Variants in SGCD observed in about 807,000 individuals in gnomAD.
SGCD encodes the protein sarcoglycan delta, also known as delta-sarcoglycan.
Under a neutral mutation model 36.6 loss-of-function variants are expected in SGCD, and 18 were observed. The observed-to-expected ratio is 0.49, with a 90% confidence interval of 0.34 to 0.73. SGCD has a LOEUF of 0.73. SGCD is among the 30% of genes least tolerant of loss of function. SGCD has a pLI of 0.01. For synonymous variants in SGCD, 133 were observed against 130.6 expected, an observed-to-expected ratio of 1.02 and a Z score of -0.12; for missense variants, 387 against 346.7, an observed-to-expected ratio of 1.12 and a Z score of -0.92.
intron 3 of SGCD, among the ~76,000 whole-genome samples, chr5:156,202,315 T>G (rs1764170930): frequency 6.6e-6 from 1 of 152,180 alleles, no homozygotes; most frequent in Non-Finnish European, 1.5e-5. Context: ...ACATAAATAC[T>G]TACTCAGTGA....
intron 3 of SGCD, among the ~76,000 whole-genome samples, chr5:156,158,137 G>A (rs953763504): frequency 6.6e-6 from 1 of 151,254 alleles, no homozygotes; most frequent in East Asian, 1.9e-4. Flanking sequence ...AGTGCTGGAG[G>A]TTTAGAAACT....
intron 3 of SGCD, among the ~76,000 whole-genome samples, chr5:156,401,000 G>A (rs1222944340): frequency 1.3e-5 from 2 of 152,182 alleles, no homozygotes; most frequent in African/African-American, 4.8e-5. Context: ...TAATCATTCA[G>A]CTCAATGCTG....
chr5:155,784,581 G>A, the SGCD span, among the ~76,000 whole-genome samples: 4 of 151,830 alleles, frequency 2.6e-5, no homozygotes, highest in African/African-American at 9.7e-5. Context: ...GGGGCATGAT[G>A]TGGTAGTGTT....
chr5:156,598,124 A>G (rs115230159), intron 6 of SGCD, among the ~76,000 whole-genome samples: 1,601 of 152,326 alleles, frequency 0.011, 20 homozygotes, highest in African/African-American at 0.037. Flanking sequence ...ACATGTAAAT[A>G]TGTTCCTAAG....
chr5:156,540,825 A>G (rs1758321309), intron 4 of SGCD, among the ~76,000 whole-genome samples: 1 of 152,130 alleles, frequency 6.6e-6, no homozygotes, highest in African/African-American at 2.4e-5. Flanking sequence ...CACTTTTCCC[A>G]CAAAGATGTA....
At chr5:156,464,532 T>C (rs1435906077) in intron 3 of SGCD, among the ~76,000 whole-genome samples, 3 of 152,096 alleles carry the variant, frequency 2.0e-5, no homozygotes, top group African/African-American at 7.2e-5. Flanking sequence ...GAATCTACGT[T>C]CTTAGGCACC....
At chr5:156,544,512 G>T (rs1000929473) in intron 4 of SGCD, among the ~76,000 whole-genome samples, 1 of 152,020 alleles carries the variant, frequency 6.6e-6, no homozygotes, top group Non-Finnish European at 1.5e-5. Flanking sequence ...GTGTTAATGT[G>T]TTGGCAGCAG....
rs7442877 is a variant in SGCD, at chr5:156,487,807, A to G, written c.193-20794A>G. Among the ~76,000 whole-genome samples, 13 of 49,340 alleles carry G rather than the reference A, an allele frequency of 2.6e-4. 1 individual carries two copies. The highest frequency in any genetic ancestry group is 1.0e-3 in the Admixed American group (4 of 3,834). 32.4% of individuals were successfully genotyped at this position (49,340 alleles called of 152,430 possible). A position where few individuals can be genotyped will look rare whatever the true frequency, so the allele number is the denominator to read the frequency against. ...TGTCACCAAAAAAAAAAAAAAAAAA[A>G]AAAAAAAAAGAAAGAAAGAAAAAGC... On this transcript the variant is annotated intron_variant, in intron 3 of 8. Coordinates refer to ENST00000337851, the MANE Select transcript of SGCD (RefSeq NM_000337.6).
intron 7 of SGCD, among the ~76,000 whole-genome samples, chr5:156,688,800 G>T (rs1404921606): frequency 6.6e-6 from 1 of 152,206 alleles, no homozygotes; most frequent in African/African-American, 2.4e-5. Context: ...CAAAGAAGGG[G>T]ATAGATGCTG....
chr5:156,241,734 G>A (rs138266515), intron 3 of SGCD, among the ~76,000 whole-genome samples: 1 of 152,306 alleles, frequency 6.6e-6, no homozygotes, highest in African/African-American at 2.4e-5. Context: ...TCATTGACAG[G>A]CATTCATGGA....
chr5:156,639,581 G>A (rs10065438), intron 6 of SGCD, among the ~76,000 whole-genome samples: 1,574 of 152,280 alleles, frequency 0.01, 36 homozygotes, highest in African/African-American at 0.037. Context: ...TCAAAAGGTT[G>A]TAACTCTTGC....
At chr5:156,211,557 G>A (rs991176046) in intron 3 of SGCD, among the ~76,000 whole-genome samples, 8 of 149,624 alleles carry the variant, frequency 5.3e-5, no homozygotes, top group East Asian at 3.9e-4. Flanking sequence ...GCAGTGAGCC[G>A]AGATCGTGCC....
At chr5:156,185,941 A>T (rs1763747095) in intron 3 of SGCD, among the ~76,000 whole-genome samples, 1 of 144,448 alleles carries the variant, frequency 6.9e-6, no homozygotes, top group Non-Finnish European at 1.5e-5. Flanking sequence ...CTGTTTCAGA[A>T]CTCTTCAGGA....
At chr5:156,463,130 T>G (rs1307703259) in intron 3 of SGCD, among the ~76,000 whole-genome samples, 2 of 151,722 alleles carry the variant, frequency 1.3e-5, no homozygotes, top group Non-Finnish European at 2.9e-5. Flanking sequence ...CAGCAGTTTG[T>G]TTTTTTGGTT....
intron 2 of SGCD, among the ~76,000 whole-genome samples, chr5:156,330,730 G>A (rs1580829323): frequency 6.6e-6 from 1 of 152,170 alleles, no homozygotes; most frequent in East Asian, 1.9e-4. Context: ...AACCGAAAAG[G>A]AAGAGGGTGA....
chr5:156,247,886 C>T (rs890710325), intron 3 of SGCD, among the ~76,000 whole-genome samples: 3 of 152,048 alleles, frequency 2.0e-5, no homozygotes, highest in South Asian at 2.1e-4. Flanking sequence ...GCCCCTGCTT[C>T]GTGGAAAAAA....
At chr5:155,799,392 C>CTTTTT in the SGCD span, among the ~76,000 whole-genome samples, 2 of 148,116 alleles carry the variant, frequency 1.4e-5, no homozygotes, top group African/African-American at 2.6e-5. Context: ...AGGACAATGA[C>CTTTTT]TTTATTTTTT....
intron 7 of SGCD, among the ~76,000 whole-genome samples, chr5:156,733,940 C>T (rs1756213719): frequency 6.6e-6 from 1 of 151,768 alleles, no homozygotes; most frequent in East Asian, 1.9e-4. Flanking sequence ...TGTATTCATA[C>T]ATGTGTATTT....
chr5:155,756,075 G>A, the SGCD span, among the ~76,000 whole-genome samples: 6 of 152,326 alleles, frequency 3.9e-5, no homozygotes, highest in African/African-American at 1.2e-4. Flanking sequence ...CCAGACATGG[G>A]TTCAGGTGTT....
Sources: gnomAD v4.1 joint callset for allele counts (sites outside exome capture counted in the v4.1 genomes callset) on GRCh38, gnomAD v4.1.1 for gene constraint, MANE v1.5 for transcripts, NCBI Gene and HGNC (gene_info 2026-07-23, HGNC 2026-07-21) for gene names.